Variants in RNGTT observed in about 807,000 individuals in gnomAD.
RNGTT encodes the protein mRNA-capping enzyme.
RNGTT carries 33 observed loss-of-function variants against 79.3 expected under a neutral mutation model. The ratio of observed to expected loss-of-function variants is 0.42; its 90% confidence interval spans 0.32 to 0.56. RNGTT has a LOEUF of 0.56. Ranked by LOEUF, RNGTT falls within the 20% of genes least tolerant of loss-of-function variation. RNGTT has a pLI of 0.17. For missense variants in RNGTT, 497 were observed against 739.1 expected (o/e 0.67, Z 3.80); for synonymous variants, 222 against 235.9 (o/e 0.94, Z 0.54).
At chr6:88,960,836 CTAGT>C (rs1225462258) in intron 1 of RNGTT, among the ~76,000 whole-genome samples, 1 of 152,166 alleles carries the variant, frequency 6.6e-6, no homozygotes, top group Non-Finnish European at 1.5e-5. Flanking sequence ...TTATGAACTT[CTAGT>C]ACTAGTAAAG....
chr6:88,718,700 T>G (rs948147893), intron 13 of RNGTT, among the ~76,000 whole-genome samples: 1 of 152,084 alleles, frequency 6.6e-6, no homozygotes, highest in African/African-American at 2.4e-5. Flanking sequence ...TTATTCCTAA[T>G]CAGACTGAAG....
intron 6 of RNGTT, among the ~76,000 whole-genome samples, chr6:88,896,420 T>C (rs1199547802): frequency 6.6e-6 from 1 of 152,220 alleles, no homozygotes; most frequent in African/African-American, 2.4e-5. Flanking sequence ...TCTCTGCATG[T>C]GGCTAAAATT....
chr6:88,757,083 G>A (rs753808286), intron 13 of RNGTT, among the ~76,000 whole-genome samples: 2 of 152,086 alleles, frequency 1.3e-5, no homozygotes, highest in African/African-American at 2.4e-5. Flanking sequence ...CATCAAACAC[G>A]TAACCACACA....
chr6:88,930,726 G>A (rs183441985), intron 2 of RNGTT, among the ~76,000 whole-genome samples: 20 of 152,032 alleles, frequency 1.3e-4, no homozygotes, highest in South Asian at 2.1e-4. Context: ...ATACATTTCC[G>A]GTAAGAAAGA....
At chr6:88,911,739 T>C (rs574190625) in intron 4 of RNGTT, among the ~76,000 whole-genome samples, 4 of 152,084 alleles carry the variant, frequency 2.6e-5, no homozygotes, top group African/African-American at 9.7e-5. Flanking sequence ...ATCTCTGATA[T>C]GCAGCAAAAT....
intron 2 of RNGTT, among the ~76,000 whole-genome samples, chr6:88,940,685 T>G (rs1048902941): frequency 6.6e-6 from 1 of 152,134 alleles, no homozygotes; most frequent in Non-Finnish European, 1.5e-5. Context: ...AGGAGAGAGT[T>G]TGACCATAAA....
chr6:88,644,991 A>C (rs1270515218), intron 14 of RNGTT, among the ~76,000 whole-genome samples: 8 of 152,300 alleles, frequency 5.3e-5, no homozygotes, highest in African/African-American at 1.9e-4. Flanking sequence ...TAGTGTTGGA[A>C]GTTCTGGCCA....
intron 2 of RNGTT, among the ~76,000 whole-genome samples, chr6:88,936,339 GAC>G (rs1784664698): frequency 6.6e-6 from 1 of 152,158 alleles, no homozygotes; most frequent in Non-Finnish European, 1.5e-5. Flanking sequence ...AGCAATGAGG[GAC>G]AGTTTGACTT....
At chr6:88,615,283 C>T (rs941482057) in intron 14 of RNGTT, among the ~76,000 whole-genome samples, 4 of 152,184 alleles carry the variant, frequency 2.6e-5, no homozygotes, top group African/African-American at 9.6e-5. Context: ...TTATCTGAAA[C>T]ATTCTCATTT....
At chr6:88,894,847 G>A (rs181892373) in intron 6 of RNGTT, among the ~76,000 whole-genome samples, 14 of 151,700 alleles carry the variant, frequency 9.2e-5, no homozygotes, top group Admixed American at 3.3e-4. Flanking sequence ...CAGGAGGACT[G>A]CTTGAGCCCC....
In RNGTT at chr6:88,963,572, A is replaced by G. The variant is rs1211055570; in HGVS notation, c.-163T>C. 4.3e-5 allele frequency: 26 copies of G among 603,684 alleles called. No individual in the cohort carries two copies. The highest frequency in any genetic ancestry group is 6.5e-5 in the Non-Finnish European group (24 of 368,426). The allele number at this position is 603,684 out of a possible 1,614,324, so 37.4% of individuals were successfully genotyped here. On this transcript the variant is annotated 5_prime_UTR_variant, in exon 1 of 16. Coordinates refer to ENST00000369485, the MANE Select transcript of RNGTT (RefSeq NM_003800.5). ...CGGGTAACGTCAGGGGCGGCGCGCC[A>G]CTTTCATTCAGGATCAACTCCACAG...
At chr6:88,837,087 C>A (rs942566846) in intron 11 of RNGTT, among the ~76,000 whole-genome samples, 1 of 152,126 alleles carries the variant, frequency 6.6e-6, no homozygotes, top group Non-Finnish European at 1.5e-5. Flanking sequence ...GCAGGTAATT[C>A]CAATGTTTTT....
intron 14 of RNGTT, among the ~76,000 whole-genome samples, chr6:88,622,609 C>T (rs9451033): frequency 6.6e-6 from 1 of 152,112 alleles, no homozygotes; most frequent in African/African-American, 2.4e-5. Context: ...TTTGCTACTC[C>T]TTCTCAGGCT....
chr6:88,805,317 A>G (rs1004053342), intron 11 of RNGTT, among the ~76,000 whole-genome samples: 1 of 152,222 alleles, frequency 6.6e-6, no homozygotes, highest in African/African-American at 2.4e-5. Context: ...GGAACAGTTT[A>G]GAATCCCTGG....
rs1056357618 is a variant in RNGTT at position 88,917,659 on chromosome 6, G to A, written c.368-11219C>T. On this transcript the variant is annotated intron_variant, in intron 4 of 15. Coordinates refer to ENST00000369485, the MANE Select transcript of RNGTT (RefSeq NM_003800.5). ...CCCAGCACTTTGGGAGGCTGAGGGT[G>A]GCGGATCACTTGAGGCCAGGAGTTC... Among the ~76,000 whole-genome samples the A allele has an allele frequency of 2.0e-5, 3 of 152,196 alleles. No individual in the cohort carries two copies. The South Asian group carries it at 6.2e-4, about 31-fold the overall frequency.
rs559821640 is a variant in RNGTT at position 88,661,324 on chromosome 6, A to G, written c.1506+17029T>C. Among the ~76,000 whole-genome samples the G allele has an allele frequency of 2.0e-4, 30 of 152,306 alleles. No individual in the cohort carries two copies. In the South Asian group the frequency reaches 4.8e-3, roughly 24 times the overall value. Reference sequence around the variant, plus strand: ...AAGAAATAACAAAGATCAGAGCAGAACTAAACGAAATTGAAACAAACAAAA... The same window carrying G: ...AAGAAATAACAAAGATCAGAGCAGAGCTAAACGAAATTGAAACAAACAAAA... On this transcript the variant is annotated intron_variant, in intron 14 of 15. Transcript: ENST00000369485.
chr6:88,706,371 T>C (rs971821109), intron 13 of RNGTT, among the ~76,000 whole-genome samples: 2 of 152,052 alleles, frequency 1.3e-5, no homozygotes, highest in African/African-American at 2.4e-5. Context: ...TAATCTTTAC[T>C]ATTAGATAAA....
At chr6:88,838,580 A>G (rs1781159662) in intron 11 of RNGTT, among the ~76,000 whole-genome samples, 1 of 152,156 alleles carries the variant, frequency 6.6e-6, no homozygotes. Flanking sequence ...CATGCTTAAA[A>G]CTACAAAAAT....
At chr6:88,825,590 TA>T (rs1310009442) in intron 11 of RNGTT, among the ~76,000 whole-genome samples, 5 of 152,234 alleles carry the variant, frequency 3.3e-5, no homozygotes, top group Non-Finnish European at 7.3e-5. Flanking sequence ...GACATACATA[TA>T]TTTTTTTAAA....
Sources: gnomAD v4.1 joint callset for allele counts (sites outside exome capture counted in the v4.1 genomes callset) on GRCh38, gnomAD v4.1.1 for gene constraint, MANE v1.5 for transcripts, NCBI Gene and HGNC (gene_info 2026-07-23, HGNC 2026-07-21) for gene names.